The following CIITA variants were observed in gnomAD, a reference collection of about 807,000 sequenced individuals.
CIITA encodes MHC class II transactivator.
A neutral mutation model predicts 115.1 loss-of-function variants in CIITA; 72 were observed. The observed-to-expected ratio is 0.63, with a 90% CI of 0.52 to 0.76. The LOEUF (loss-of-function observed/expected upper bound fraction) is 0.76. Among genes scored for constraint, CIITA ranks in the 30% least tolerant of loss-of-function variants. CIITA has a pLI of 0.00. For synonymous variants in CIITA, 763 were observed against 635.6 expected, an observed-to-expected ratio of 1.20 and a Z score of -3.02; for missense variants, 1,617 against 1,463.8, an observed-to-expected ratio of 1.10 and a Z score of -1.71.
In CIITA at chr16:10,941,581, C is replaced by CAGGG. The variant is rs2041103356; in HGVS notation, n.708_711dup. On this transcript the variant is annotated non_coding_transcript_exon_variant, in exon 2 of 2. Transcript: ENST00000573379. This position sits in a 1 kb window ranked among gnomAD's most constrained non-coding sequence, Gnocchi z 6.4. ...AGAGGGCACTTACAGGCCTCGGAGGCAGGGGAGGGTCTCCTCCTGGGGAAC... is the reference window on the plus strand; with the variant it reads ...AGAGGGCACTTACAGGCCTCGGAGGCAGGGAGGGGAGGGTCTCCTCCTGGGGAAC... 4 of 1,459,980 alleles carry CAGGG rather than the reference C, an allele frequency of 2.7e-6. No homozygotes were observed. Among genetic ancestry groups the CAGGG allele is most frequent in the Non-Finnish European group, 1.8e-6 (2 of 1,105,604 alleles). The allele number at this position is 1,459,980 out of a possible 1,614,324, so 90.4% of individuals were successfully genotyped here.
chr16:10,867,129 A>G (rs1458010557), intron 1 of CIITA, among the ~76,000 whole-genome samples: 5 of 152,192 alleles, frequency 3.3e-5, no homozygotes, highest in Non-Finnish European at 7.3e-5. Context: ...CTGTAGTCCC[A>G]GCTACTCAGG....
chr16:10,895,591 T>A (rs2038049568), intron 2 of CIITA, 78 bp from the exon 3 acceptor site: 15 of 1,582,926 alleles, frequency 9.5e-6, no homozygotes, highest in Non-Finnish European at 1.3e-5. Flanking sequence ...CTCCCAGCCC[T>A]GCCCCGCCTC....
chr16:10,915,357 G>T (rs2039877966), intron 13 of CIITA, among the ~76,000 whole-genome samples: 1 of 152,066 alleles, frequency 6.6e-6, no homozygotes, highest in African/African-American at 2.4e-5. Context: ...GCCTCAACTG[G>T]CCTCTTATGG....
chr16:10,909,051 G>A lies in CIITA; in HGVS notation c.2680G>A (p.Ala894Thr). The change falls in exon 12 of 20, where the codon GCG (alanine) becomes ACG (threonine). Residue 894 changes from alanine (A) to threonine (T), a missense_variant. Transcript: ENST00000324288. Reference sequence around the variant, plus strand: ...CAGGGCTGCCTTGAGCGACACGGTGGCGCTGTGGGAGTCCCTGCAGCAGCA... The same window carrying A: ...CAGGGCTGCCTTGAGCGACACGGTGACGCTGTGGGAGTCCCTGCAGCAGCA... ...RFRAALSDTVALWESLQQHGE... is the reference protein window; with the variant it reads ...RFRAALSDTVTLWESLQQHGE... 1 of 1,614,202 alleles carries A rather than the reference G, an allele frequency of 6.2e-7. No homozygotes were observed. The highest frequency in any genetic ancestry group is 8.5e-7 in the Non-Finnish European group (1 of 1,180,024).
chr16:10,869,406 T>C (rs2035318970), intron 1 of CIITA, among the ~76,000 whole-genome samples: 1 of 152,200 alleles, frequency 6.6e-6, no homozygotes, highest in African/African-American at 2.4e-5. Flanking sequence ...GTCAACCTCC[T>C]AAATTCCTTC....
rs749317381 is a variant in CIITA at position 10,907,790 on chromosome 16, C to T, written c.2298C>T (p.Pro766=). ...RFLAGLIFQP[P]ARCLGALLGP... is the part of the protein sequence containing the mutation. ...TGGCTGGGCTGATCTTCCAGCCTCCCGCCCGCTGCCTGGGAGCCCTACTCG... is the reference window on the plus strand; with the variant it reads ...TGGCTGGGCTGATCTTCCAGCCTCCTGCCCGCTGCCTGGGAGCCCTACTCG... The change falls in exon 11 of 20, where the codon CCC becomes CCT. Residue 766 remains proline, a synonymous_variant. Transcript: ENST00000324288. This position sits in a 1 kb window ranked among gnomAD's most constrained non-coding sequence, Gnocchi z 5.0. 12 of 1,614,190 alleles carry T rather than the reference C, an allele frequency of 7.4e-6. No homozygotes were observed. Among genetic ancestry groups the T allele is most frequent in the African/African-American group, 1.3e-5 (1 of 75,060 alleles).
At chr16:10,873,532 G>C (rs2035626458), upstream of CIITA, among the ~76,000 whole-genome samples, 1 of 152,182 alleles carries the variant, frequency 6.6e-6, no homozygotes, top group African/African-American at 2.4e-5. Context: ...AGACCAAAAG[G>C]GAGAAGGCAG....
intron 1 of CIITA, among the ~76,000 whole-genome samples, chr16:10,892,578 T>C (rs924406656): frequency 1.3e-5 from 2 of 152,208 alleles, no homozygotes; most frequent in African/African-American, 2.4e-5. Flanking sequence ...GATATGTCCA[T>C]GTCAAATCCC....
intron 1 of CIITA, among the ~76,000 whole-genome samples, chr16:10,878,550 G>T (rs749046637): frequency 6.6e-6 from 1 of 152,220 alleles, no homozygotes; most frequent in Admixed American, 6.5e-5. Context: ...CATCAGAGGA[G>T]TGAATAGCTC....
In CIITA at chr16:10,924,662, TG is replaced by T. The variant is rs1188590589; in HGVS notation, c.*809del. 6.6e-6 allele frequency: 1 copy of T among 152,266 alleles called. No homozygotes were observed. Among genetic ancestry groups the T allele is most frequent in the Non-Finnish European group, 1.5e-5 (1 of 68,058 alleles). The allele number at this position is 152,266 out of a possible 1,614,324, so 9.4% of individuals were successfully genotyped here. On this transcript the variant is annotated 3_prime_UTR_variant, in exon 20 of 20. Transcript: ENST00000324288. ...CAGATTGCAACAGGCTGGGCTTCAG[TG>T]GCAGCTGCTTTTGTCTATGGGACTC... is the stretch of plus-strand genomic sequence containing the variant.
chr16:10,905,980 A>T (rs2039120793), intron 10 of CIITA, among the ~76,000 whole-genome samples: 1 of 152,188 alleles, frequency 6.6e-6, no homozygotes, highest in East Asian at 1.9e-4. Flanking sequence ...TGAGCCCAGG[A>T]GCTCAAGACC....
At chr16:10,867,660 C>T (rs1596377039) in intron 1 of CIITA, among the ~76,000 whole-genome samples, 1 of 152,178 alleles carries the variant, frequency 6.6e-6, no homozygotes, top group East Asian at 1.9e-4. Context: ...GAAAGACAAG[C>T]CTGCACTGTC....
At chr16:10,887,960 G>A (rs550345331) in intron 1 of CIITA, among the ~76,000 whole-genome samples, 10 of 152,264 alleles carry the variant, frequency 6.6e-5, no homozygotes, top group East Asian at 1.9e-4. Context: ...CAGCGCCTGC[G>A]TCTGTAAAAT....
In CIITA at chr16:10,934,052, C is replaced by G. The variant is rs776645610; in HGVS notation, c.*10197C>G. ...AGAAATGATGACCACTTTCTCAAAC[C>G]TGGCTTCGGATTTGCACGTTGGCTG... On this transcript the variant is annotated 3_prime_UTR_variant, in exon 20 of 20. Coordinates refer to ENST00000324288, the MANE Select transcript of CIITA (RefSeq NM_000246.4). The surrounding 1 kb of genome is among the most constrained non-coding windows in gnomAD (Gnocchi z 4.2). 1 of 152,234 alleles carries G rather than the reference C, an allele frequency of 6.6e-6. No homozygotes were observed. The highest frequency in any genetic ancestry group is 1.5e-5 in the Non-Finnish European group (1 of 68,050). The allele number at this position is 152,234 out of a possible 1,614,324, so 9.4% of individuals were successfully genotyped here. A position where few individuals can be genotyped will look rare whatever the true frequency, so the allele number is the denominator to read the frequency against.
rs1195748888 is a variant in CIITA, at chr16:10,918,521, G to A, written c.3144G>A (p.Arg1048=). 1 of 1,614,040 alleles carries A rather than the reference G, an allele frequency of 6.2e-7. No individual in the cohort carries two copies. The highest frequency in any genetic ancestry group is 8.5e-7 in the Non-Finnish European group (1 of 1,180,006). ...ALPSLAASLL[R]LSLYNNCICD... is the part of the protein sequence containing the mutation. ...CTTCGCTCGCTGCATCCCTGCTCAG[G>A]CTAAGGTGAGTGGGGCCCCGGATAC... The change falls in exon 16 of 20, where the codon AGG becomes AGA. Residue 1048 remains arginine, a synonymous_variant. Transcript: ENST00000324288.
chr16:10,895,127 T>C (rs567014092), intron 1 of CIITA, among the ~76,000 whole-genome samples, 155 bp from the exon 2 acceptor site: 1 of 152,302 alleles, frequency 6.6e-6, no homozygotes, highest in South Asian at 2.1e-4. Context: ...TGGCTTGCTC[T>C]CTCCACCACG....
Position 10,906,636 on chromosome 16 carries a change from C to G in CIITA, c.1144C>G (p.Leu382Val). Residue 382 changes from leucine (L) to valine (V), a missense_variant, in exon 11 of 20, where the codon CTG (leucine) becomes GTG (valine). Transcript: ENST00000324288. ...CAGCAGCAAGAGCCTGGAGCGGGAA[C>G]TGGCCACCCCGGACTGGGCAGAACG... ...RSSSKSLERE[L>V]ATPDWAERQL... 6.2e-7 allele frequency: 1 copy of G among 1,613,936 alleles called. No individual in the cohort carries two copies. Among genetic ancestry groups the G allele is most frequent in the South Asian group, 1.1e-5 (1 of 91,078 alleles).
intron 1 of CIITA, among the ~76,000 whole-genome samples, chr16:10,870,526 G>A (rs1208356661): frequency 2.0e-5 from 3 of 152,184 alleles, no homozygotes. Context: ...GTCAACAGTG[G>A]GTCACAACAT....
intron 1 of CIITA, among the ~76,000 whole-genome samples, chr16:10,892,528 G>A (rs2037700861): frequency 6.6e-6 from 1 of 152,168 alleles, no homozygotes; most frequent in African/African-American, 2.4e-5. Flanking sequence ...GCCTTCATCT[G>A]CATGTCATGT....
Sources: allele counts gnomAD v4.1 joint callset (sites outside exome capture counted in the v4.1 genomes callset), GRCh38; gene constraint gnomAD v4.1.1; non-coding constraint Gnocchi (gnomAD v3.1); transcripts MANE v1.5; gene names NCBI Gene and HGNC (gene_info 2026-07-23, HGNC 2026-07-21).